Variants in CDH4 observed in about 807,000 individuals in gnomAD.
CDH4 encodes cadherin-4.
In CDH4, 33 loss-of-function variants were observed where a neutral mutation model predicts 86.0. That is an observed-to-expected ratio of 0.38 (90% CI 0.29 to 0.51). CDH4 has a LOEUF of 0.51. Among genes scored for constraint, CDH4 ranks in the 20% least tolerant of loss-of-function variants. The pLI is 0.86. For missense variants in CDH4, 1,114 were observed against 1,307.4 expected, an observed-to-expected ratio of 0.85 and a Z score of 2.28; for synonymous variants, 555 against 549.4, an observed-to-expected ratio of 1.01 and a Z score of -0.14.
intron 2 of CDH4, among the ~76,000 whole-genome samples, chr20:61,667,481 G>A (rs868301193): frequency 8.5e-5 from 13 of 152,352 alleles, no homozygotes; most frequent in East Asian, 1.9e-4. Flanking sequence ...GGATCTTTCC[G>A]CTTTCAAACC....
Position 61,480,491 on chromosome 20 carries a change from T to A in CDH4, c.169+225554T>A, listed in dbSNP as rs1236224056. Among the ~76,000 whole-genome samples the A allele has an allele frequency of 1.3e-5, 2 of 152,216 alleles. No individual in the cohort carries two copies. Among genetic ancestry groups the A allele is most frequent in the Non-Finnish European group, 2.9e-5 (2 of 68,030 alleles). ...AAAGTGCCCGATGAGACATGTTCCCTGAGGAACCCAGGCAGAACTGGACCC... is the reference window on the plus strand; with the variant it reads ...AAAGTGCCCGATGAGACATGTTCCCAGAGGAACCCAGGCAGAACTGGACCC... On this transcript the variant is annotated intron_variant, in intron 2 of 15. Transcript: ENST00000614565. This position sits in a 1 kb window ranked among gnomAD's most constrained non-coding sequence, Gnocchi z 5.2.
At chr20:61,737,298 C>A (rs887685220) in intron 2 of CDH4, among the ~76,000 whole-genome samples, 1 of 152,144 alleles carries the variant, frequency 6.6e-6, no homozygotes, top group African/African-American at 2.4e-5. Flanking sequence ...AGGAGGCCAG[C>A]GGTATGGGGC....
chr20:61,529,151 C>T (rs953255749), intron 2 of CDH4, among the ~76,000 whole-genome samples: 5 of 152,180 alleles, frequency 3.3e-5, no homozygotes, highest in Non-Finnish European at 4.4e-5. Context: ...ACCTTTGTAA[C>T]CTTTCAAGAT....
chr20:61,591,250 A>C (rs2145732180), intron 2 of CDH4, among the ~76,000 whole-genome samples: 1 of 152,342 alleles, frequency 6.6e-6, no homozygotes, highest in South Asian at 2.1e-4. Flanking sequence ...AGACATCAAA[A>C]CCCAGACATT....
At chr20:61,844,909 C>T in intron 5 of CDH4, 86 bp downstream of exon 5, 1 of 1,337,662 alleles carries the variant, frequency 7.5e-7, no homozygotes, top group Non-Finnish European at 1.0e-6. Context: ...CCAGCAGGGC[C>T]ATGCCTGCCC....
chr20:61,428,249 A>T (rs575337399), intron 2 of CDH4, among the ~76,000 whole-genome samples: 1 of 152,210 alleles, frequency 6.6e-6, no homozygotes, highest in African/African-American at 2.4e-5. Context: ...GAATCCTGAC[A>T]TACAGCAGGT....
At chr20:61,839,289 G>T (rs1045879406) in intron 4 of CDH4, among the ~76,000 whole-genome samples, 1 of 152,036 alleles carries the variant, frequency 6.6e-6, no homozygotes, top group Non-Finnish European at 1.5e-5. Context: ...TGTGCATGGG[G>T]GAGTGTGTGT....
chr20:61,505,388 A>C (rs766580012), intron 2 of CDH4, among the ~76,000 whole-genome samples: 18 of 152,194 alleles, frequency 1.2e-4, no homozygotes, highest in Admixed American at 1.0e-3. Context: ...TTGGAATCCA[A>C]TCAATGGGAG....
At chr20:61,258,329 C>CAA (rs778048684) in intron 2 of CDH4, among the ~76,000 whole-genome samples, 1 of 62,348 alleles carries the variant, frequency 1.6e-5, no homozygotes, top group African/African-American at 7.3e-5. Flanking sequence ...GACTCCGTCT[C>CAA]AAAAAAAAAA....
chr20:61,387,553 T>G (rs975910348), intron 2 of CDH4, among the ~76,000 whole-genome samples: 2 of 151,138 alleles, frequency 1.3e-5, no homozygotes, highest in Non-Finnish European at 2.9e-5. Context: ...CACACAAACA[T>G]ACACACAGAC....
chr20:61,741,847 T>G (rs1335839575), intron 2 of CDH4, among the ~76,000 whole-genome samples: 2 of 151,984 alleles, frequency 1.3e-5, no homozygotes, highest in Non-Finnish European at 2.9e-5. Context: ...CGCCTGTACT[T>G]TTTTTTAACT....
At chr20:61,705,093 C>G (rs1016292116) in intron 2 of CDH4, among the ~76,000 whole-genome samples, 1 of 152,244 alleles carries the variant, frequency 6.6e-6, no homozygotes, top group African/African-American at 2.4e-5. Flanking sequence ...CGCTTTGTCT[C>G]GTTGGCATGT....
Position 61,330,133 on chromosome 20 carries a change from G to A in CDH4, c.169+75196G>A, listed in dbSNP as rs202102502. Among the ~76,000 whole-genome samples, 4 of 152,140 alleles carry A rather than the reference G, an allele frequency of 2.6e-5. No individual in the cohort carries two copies. In the East Asian group the frequency reaches 5.8e-4, roughly 22 times the overall value. ...TCCATGTCTTTGCTATTGTGAATAGGGCTGCAATGAACATACGCGTGCATG... is the reference window on the plus strand; with the variant it reads ...TCCATGTCTTTGCTATTGTGAATAGAGCTGCAATGAACATACGCGTGCATG... On this transcript the variant is annotated intron_variant, in intron 2 of 15. Transcript: ENST00000614565.
intron 8 of CDH4, among the ~76,000 whole-genome samples, chr20:61,904,340 G>A (rs989214164): frequency 2.6e-5 from 4 of 152,156 alleles, no homozygotes; most frequent in African/African-American, 9.7e-5. Context: ...CAGCTGCTGG[G>A]AACTGGTGGG....
At chr20:61,319,680 G>A (rs772011119) in intron 2 of CDH4, among the ~76,000 whole-genome samples, 29 of 151,982 alleles carry the variant, frequency 1.9e-4, no homozygotes, top group Non-Finnish European at 3.2e-4. Context: ...GCACAGTGGC[G>A]CATGCCTGTA....
At chr20:61,627,489 C>T (rs1320472303) in intron 2 of CDH4, among the ~76,000 whole-genome samples, 1 of 152,154 alleles carries the variant, frequency 6.6e-6, no homozygotes, top group Admixed American at 6.5e-5. Flanking sequence ...AGCACCCTGC[C>T]CCTAATGTGA....
chr20:61,818,643 A>C (rs1317380561), intron 4 of CDH4, among the ~76,000 whole-genome samples: 1 of 150,656 alleles, frequency 6.6e-6, no homozygotes, highest in Non-Finnish European at 1.5e-5. Flanking sequence ...GCCCCACTGC[A>C]CTCCAACCTG....
chr20:61,842,579 T>C (rs1568844726), intron 4 of CDH4, among the ~76,000 whole-genome samples: 1 of 152,226 alleles, frequency 6.6e-6, no homozygotes, highest in Non-Finnish European at 1.5e-5. Flanking sequence ...TTTCATACAA[T>C]TTTCACCTAT....
chr20:61,853,481 G>C (rs1982836536), intron 6 of CDH4, among the ~76,000 whole-genome samples: 1 of 152,158 alleles, frequency 6.6e-6, no homozygotes, highest in Admixed American at 6.5e-5. Context: ...GCTGACCCAA[G>C]AGCCTGTCCC....
Sources: gnomAD v4.1 joint callset for allele counts (sites outside exome capture counted in the v4.1 genomes callset) on GRCh38, gnomAD v4.1.1 for gene constraint, Gnocchi (gnomAD v3.1) non-coding constraint, MANE v1.5 for transcripts, NCBI Gene and HGNC (gene_info 2026-07-23, HGNC 2026-07-21) for gene names.